The following AGMO variants were observed in gnomAD, a reference collection of about 807,000 sequenced individuals.
The protein encoded by AGMO is alkylglycerol monooxygenase.
A neutral mutation model predicts 60.2 loss-of-function variants in AGMO; 75 were observed. The ratio of observed to expected loss-of-function variants is 1.25; its 90% confidence interval spans 1.03 to 1.51. AGMO has a LOEUF of 1.51. Ranked by LOEUF, AGMO falls within the 40% of genes most tolerant of loss-of-function variation. The pLI is 0.00. For missense variants in AGMO, 763 were observed against 525.5 expected, an observed-to-expected ratio of 1.45 and a Z score of -4.42; for synonymous variants, 261 against 177.1, an observed-to-expected ratio of 1.47 and a Z score of -3.76.
chr7:15,435,640 T>G (rs776694271), intron 3 of AGMO, among the ~76,000 whole-genome samples: 5 of 152,198 alleles, frequency 3.3e-5, no homozygotes, highest in Admixed American at 6.5e-5. Flanking sequence ...TGATTTGCAT[T>G]TATTTTCTTC....
At chr7:15,511,182 C>G (rs536278750) in intron 3 of AGMO, among the ~76,000 whole-genome samples, 1 of 152,108 alleles carries the variant, frequency 6.6e-6, no homozygotes, top group Non-Finnish European at 1.5e-5. Flanking sequence ...CAGCCTTGCA[C>G]AAGGTGCCAT....
At chr7:15,480,737 C>A (rs1436007322) in intron 3 of AGMO, among the ~76,000 whole-genome samples, 1 of 152,100 alleles carries the variant, frequency 6.6e-6, no homozygotes, top group Non-Finnish European at 1.5e-5. Flanking sequence ...TTTTCTAAGT[C>A]TTTGCCATTA....
intron 2 of AGMO, among the ~76,000 whole-genome samples, chr7:15,555,785 C>A (rs1785115919): frequency 6.6e-6 from 1 of 151,860 alleles, no homozygotes; most frequent in Non-Finnish European, 1.5e-5. Flanking sequence ...CATCTAATAG[C>A]AGTTTCTGAA....
At chr7:15,435,977 T>C (rs560541863) in intron 3 of AGMO, among the ~76,000 whole-genome samples, 1 of 152,308 alleles carries the variant, frequency 6.6e-6, no homozygotes, top group Admixed American at 6.5e-5. Context: ...ACATATAAGA[T>C]AGCCATTTAA....
chr7:15,118,679 A>T, the AGMO span, among the ~76,000 whole-genome samples: 1 of 152,038 alleles, frequency 6.6e-6, no homozygotes, highest in African/African-American at 2.4e-5. Flanking sequence ...TTTGTCAACC[A>T]CTGATTATCT....
chr7:15,449,899 C>T (rs1217462509), intron 3 of AGMO, among the ~76,000 whole-genome samples: 1 of 152,112 alleles, frequency 6.6e-6, no homozygotes, highest in Non-Finnish European at 1.5e-5. Context: ...ATTTGAACAT[C>T]ACTTGTTTTA....
At chr7:15,174,288 T>G in the AGMO span, among the ~76,000 whole-genome samples, 1 of 152,100 alleles carries the variant, frequency 6.6e-6, no homozygotes, top group Non-Finnish European at 1.5e-5. Flanking sequence ...TCTGGAAAAC[T>G]AAAGTTAACC....
intron 8 of AGMO, among the ~76,000 whole-genome samples, chr7:15,390,070 G>A (rs1410300572): frequency 1.3e-5 from 2 of 152,034 alleles, no homozygotes; most frequent in African/African-American, 4.8e-5. Flanking sequence ...AGGAGTATTT[G>A]TGGTGGTCTG....
intron 12 of AGMO, among the ~76,000 whole-genome samples, chr7:15,291,281 C>T (rs1356385716): frequency 1.3e-5 from 2 of 151,940 alleles, no homozygotes; most frequent in African/African-American, 4.8e-5. Flanking sequence ...AGAGATATAT[C>T]GACAAAATTA....
intron 12 of AGMO, among the ~76,000 whole-genome samples, chr7:15,359,289 A>C (rs1480588445): frequency 1.8e-5 from 2 of 112,580 alleles, no homozygotes; most frequent in African/African-American, 7.6e-5. Context: ...ACTCCGTCTC[A>C]ACAAAAAAAA....
At chr7:15,185,223 A>G in the AGMO span, among the ~76,000 whole-genome samples, 1 of 152,162 alleles carries the variant, frequency 6.6e-6, no homozygotes, top group Non-Finnish European at 1.5e-5. Context: ...TCAGTTAAAT[A>G]TTGATTTTAA....
At chr7:15,559,045 G>A (rs991297128) in intron 2 of AGMO, among the ~76,000 whole-genome samples, 22 of 152,200 alleles carry the variant, frequency 1.4e-4, no homozygotes, top group African/African-American at 5.1e-4. Flanking sequence ...CTCACGTGTT[G>A]AAGATGACTT....
At chr7:15,340,651 G>C (rs921502440) in intron 12 of AGMO, among the ~76,000 whole-genome samples, 1 of 152,192 alleles carries the variant, frequency 6.6e-6, no homozygotes, top group Non-Finnish European at 1.5e-5. Context: ...GCTCCATGTG[G>C]TGTTGGTCCT....
chr7:15,283,552 G>A (rs1282695978), intron 12 of AGMO, among the ~76,000 whole-genome samples: 1 of 151,902 alleles, frequency 6.6e-6, no homozygotes, highest in African/African-American at 2.4e-5. Flanking sequence ...AAATTTACAT[G>A]CACCTAACTC....
At chr7:15,214,555 A>G (rs190555243) in intron 12 of AGMO, among the ~76,000 whole-genome samples, 3 of 152,154 alleles carry the variant, frequency 2.0e-5, no homozygotes, top group Admixed American at 2.0e-4. Flanking sequence ...TAACCAAAGG[A>G]AAGTCTATAT....
chr7:15,340,793 G>A (rs1204793976), intron 12 of AGMO, among the ~76,000 whole-genome samples: 1 of 152,176 alleles, frequency 6.6e-6, no homozygotes, highest in Non-Finnish European at 1.5e-5. Context: ...CCTCTGCTAG[G>A]GCAGTGCAGA....
intron 12 of AGMO, among the ~76,000 whole-genome samples, chr7:15,249,501 CTT>C (rs1423292627): frequency 6.6e-6 from 1 of 152,034 alleles, no homozygotes; most frequent in Non-Finnish European, 1.5e-5. Context: ...TCCCATATCT[CTT>C]GTTTTGAGGA....
At chr7:15,507,631 C>A (rs972136962) in intron 3 of AGMO, among the ~76,000 whole-genome samples, 1 of 152,000 alleles carries the variant, frequency 6.6e-6, no homozygotes, top group Non-Finnish European at 1.5e-5. Context: ...TTTACTGCAT[C>A]CTTATTTAAA....
At chr7:15,295,836 C>G (rs376558236) in intron 12 of AGMO, among the ~76,000 whole-genome samples, 3 of 152,066 alleles carry the variant, frequency 2.0e-5, no homozygotes, top group African/African-American at 7.2e-5. Context: ...GCAGTTTTAA[C>G]AGTCAAAATG....
Sources: gnomAD v4.1 joint callset for allele counts (sites outside exome capture counted in the v4.1 genomes callset) on GRCh38, gnomAD v4.1.1 for gene constraint, MANE v1.5 for transcripts, NCBI Gene and HGNC (gene_info 2026-07-23, HGNC 2026-07-21) for gene names.